Variants in MTCL2 observed in about 807,000 individuals in gnomAD.
The protein encoded by MTCL2 is microtubule crosslinking factor 2.
At chr20:36,846,841 T>C in the MTCL2 span, among the ~76,000 whole-genome samples, 1 of 152,098 alleles carries the variant, frequency 6.6e-6, no homozygotes, top group Non-Finnish European at 1.5e-5. Context: ...ACCCCATCTC[T>C]ACAAAAAAAT....
At chr20:36,834,856 G>A in the MTCL2 span, among the ~76,000 whole-genome samples, 1 of 151,986 alleles carries the variant, frequency 6.6e-6, no homozygotes, top group Non-Finnish European at 1.5e-5. Context: ...ACGAAAATTA[G>A]CTGGACATGG....
chr20:36,853,051 C>T, the MTCL2 span, among the ~76,000 whole-genome samples: 135 of 146,398 alleles, frequency 9.2e-4, 1 homozygote, highest in Admixed American at 1.9e-3. Flanking sequence ...AGTGAGACTT[C>T]GTCTCCAAAA....
At chr20:36,829,520 T>C in the MTCL2 span, among the ~76,000 whole-genome samples, 1 of 147,730 alleles carries the variant, frequency 6.8e-6, no homozygotes, top group Non-Finnish European at 1.5e-5. Context: ...AGGCTTTTTT[T>C]TTTTTTTTTT....
the MTCL2 span, among the ~76,000 whole-genome samples, chr20:36,841,877 GTGTGTGTGTGTGTGTGTGTGT>G: frequency 2.8e-5 from 2 of 71,710 alleles, no homozygotes; most frequent in African/African-American, 9.3e-5. Context: ...GGGGTGGGGT[GTGTGTGTGTGTGTGTGTGTGT>G]GTGTGTGTGT....
chr20:36,848,429 G>A, the MTCL2 span, among the ~76,000 whole-genome samples: 13 of 152,212 alleles, frequency 8.5e-5, no homozygotes, highest in Admixed American at 3.9e-4. Flanking sequence ...CGGCTGGGCC[G>A]GACAGCCAAA....
At chr20:36,810,717 CCTCTCTCTCTCTCTCTCT>C in the MTCL2 span, among the ~76,000 whole-genome samples, 317 of 94,278 alleles carry the variant, frequency 3.4e-3, 5 homozygotes, top group South Asian at 0.034. Context: ...TCTCTCTCTC[CCTCTCTCTCTCTCTCTCT>C]CTCTCTCTCT....
At chr20:36,786,295 C>T in the MTCL2 span, 3 of 1,286,478 alleles carry the variant, frequency 2.3e-6, no homozygotes, top group South Asian at 2.3e-5. Context: ...GCTCACCACC[C>T]AGGGGCCAGC....
the MTCL2 span, chr20:36,808,866 G>T: frequency 2.4e-5 from 19 of 800,804 alleles, no homozygotes; most frequent in Non-Finnish European, 3.5e-5. Context: ...CCCTGCCGGG[G>T]ATCCCACCAC....
At chr20:36,797,917 AC>A in the MTCL2 span, among the ~76,000 whole-genome samples, 2 of 151,656 alleles carry the variant, frequency 1.3e-5, no homozygotes, top group East Asian at 1.9e-4. Flanking sequence ...AGATCCAGGC[AC>A]CCCCACTGCT....
At chr20:36,822,400 G>T in the MTCL2 span, among the ~76,000 whole-genome samples, 5 of 152,392 alleles carry the variant, frequency 3.3e-5, no homozygotes, top group South Asian at 8.3e-4. Flanking sequence ...CTGTGGCCTG[G>T]CATGCAACAG....
the MTCL2 span, chr20:36,804,620 G>C: frequency 7.2e-7 from 1 of 1,388,354 alleles, no homozygotes; most frequent in Non-Finnish European, 9.9e-7. Context: ...CACAGGTGAA[G>C]CAACGGCATT....
At chr20:36,857,571 A>C in the MTCL2 span, among the ~76,000 whole-genome samples, 3 of 152,164 alleles carry the variant, frequency 2.0e-5, no homozygotes, top group Non-Finnish European at 4.4e-5. Context: ...ACACAGGCTC[A>C]GCCCCAAGGA....
chr20:36,815,042 G>C, the MTCL2 span: 1 of 1,356,152 alleles, frequency 7.4e-7, no homozygotes, highest in Non-Finnish European at 1.0e-6. The surrounding 1 kb of genome is among the most constrained non-coding windows in gnomAD (Gnocchi z 5.3). Context: ...AGCCTGGCCA[G>C]CGGGGAGAGA....
chr20:36,787,573 C>T, the MTCL2 span, among the ~76,000 whole-genome samples: 1 of 151,944 alleles, frequency 6.6e-6, no homozygotes, highest in African/African-American at 2.4e-5. Context: ...TTTACTATTA[C>T]CAATAAACAG....
At chr20:36,812,736 G>A in the MTCL2 span, 3 of 1,613,952 alleles carry the variant, frequency 1.9e-6, no homozygotes, top group Non-Finnish European at 2.5e-6. Context: ...TCTTCAGCTC[G>A]GTAAGGCCTG....
chr20:36,808,526 T>C, the MTCL2 span: 1 of 1,596,726 alleles, frequency 6.3e-7, no homozygotes, highest in Non-Finnish European at 8.5e-7. Flanking sequence ...GAGGAAGTCA[T>C]CCCCTTCGCT....
At chr20:36,842,525 G>A in the MTCL2 span, among the ~76,000 whole-genome samples, 8 of 152,142 alleles carry the variant, frequency 5.3e-5, no homozygotes, top group South Asian at 2.1e-4. Context: ...TAATCCCAGC[G>A]CTTTGGGAGG....
At chr20:36,791,636 C>G in the MTCL2 span, among the ~76,000 whole-genome samples, 1 of 152,192 alleles carries the variant, frequency 6.6e-6, no homozygotes, top group Admixed American at 6.5e-5. Context: ...TCAGAGTTTC[C>G]TTCTTTCAGA....
chr20:36,839,311 TA>T, the MTCL2 span: 1 of 1,612,946 alleles, frequency 6.2e-7, no homozygotes, highest in Non-Finnish European at 8.5e-7. This position sits in a 1 kb window ranked among gnomAD's most constrained non-coding sequence, Gnocchi z 5.1. Context: ...GCGCAGCCGG[TA>T]CTGCAGGATG....
Sources: allele counts gnomAD v4.1 joint callset (sites outside exome capture counted in the v4.1 genomes callset), GRCh38; gene constraint gnomAD v4.1.1; non-coding constraint Gnocchi (gnomAD v3.1); transcripts MANE v1.5; gene names NCBI Gene and HGNC (gene_info 2026-07-23, HGNC 2026-07-21).